LRRTM4: variants seen among roughly 807,000 people sequenced by gnomAD.
The protein encoded by LRRTM4 is leucine rich repeat transmembrane neuronal 4, also known as leucine-rich repeat transmembrane neuronal protein 4.
Under a neutral mutation model 47.6 loss-of-function variants are expected in LRRTM4, and 25 were observed. That is an observed-to-expected ratio of 0.53 (90% CI 0.38 to 0.73). The LOEUF is 0.73. LRRTM4 is among the 30% of genes least tolerant of loss of function. The pLI is 0.00. For synonymous variants in LRRTM4, 311 were observed against 269.5 expected, an observed-to-expected ratio of 1.15 and a Z score of -1.51; for missense variants, 638 against 713.4, an observed-to-expected ratio of 0.89 and a Z score of 1.20.
chr2:76,816,832 T>G (rs78506988), intron 3 of LRRTM4, among the ~76,000 whole-genome samples: 336 of 33,370 alleles, frequency 0.01, 9 homozygotes, highest in African/African-American at 0.05. Flanking sequence ...TTTTTTTTTT[T>G]TTTTTTTTTT....
intron 3 of LRRTM4, among the ~76,000 whole-genome samples, chr2:77,457,512 G>A (rs1350682297): frequency 6.6e-6 from 1 of 151,850 alleles, no homozygotes; most frequent in African/African-American, 2.4e-5. Flanking sequence ...CCATACAGCA[G>A]TCAGAATAAT....
In LRRTM4 at chr2:77,187,065, G is replaced by A. The variant is rs78366535; in HGVS notation, c.1551+331253C>T. Among the ~76,000 whole-genome samples, 775 of 152,218 alleles carry A rather than the reference G, an allele frequency of 5.1e-3. 6 individuals are homozygous for A. The highest frequency in any genetic ancestry group is 0.018 in the African/African-American group (740 of 41,544). On this transcript the variant is annotated intron_variant, in intron 3 of 3. Coordinates refer to ENST00000409884, the MANE Select transcript of LRRTM4 (RefSeq NM_001134745.3). Reference sequence around the variant, plus strand: ...CACACAAATCTCATTTACTGCACATGCACCCATCTATGGCTGCTACAATGC... The same window carrying A: ...CACACAAATCTCATTTACTGCACATACACCCATCTATGGCTGCTACAATGC...
intron 3 of LRRTM4, among the ~76,000 whole-genome samples, chr2:77,388,377 T>G (rs1673368844): frequency 6.6e-6 from 1 of 152,110 alleles, no homozygotes. Flanking sequence ...TTCAAAACTG[T>G]GACAGCAATA....
At chr2:77,167,027 G>C (rs1464877541) in intron 3 of LRRTM4, among the ~76,000 whole-genome samples, 1 of 152,042 alleles carries the variant, frequency 6.6e-6, no homozygotes. Flanking sequence ...GCAACCTACA[G>C]AATGGGAGAA....
intron 3 of LRRTM4, among the ~76,000 whole-genome samples, chr2:77,432,529 A>C (rs1049902562): frequency 1.3e-5 from 2 of 152,256 alleles, no homozygotes; most frequent in East Asian, 1.9e-4. Flanking sequence ...AATTTAGAGA[A>C]AATGTCTGCA....
intron 3 of LRRTM4, among the ~76,000 whole-genome samples, chr2:77,157,605 G>A (rs892479318): frequency 1.1e-4 from 17 of 151,632 alleles, no homozygotes; most frequent in South Asian, 8.3e-4. Context: ...ATATACTTGC[G>A]GTCAGAGAAA....
intron 3 of LRRTM4, among the ~76,000 whole-genome samples, chr2:77,266,661 A>G (rs1676058534): frequency 6.6e-6 from 1 of 152,112 alleles, no homozygotes; most frequent in Non-Finnish European, 1.5e-5. Flanking sequence ...AGCAGAAGTA[A>G]TAGTGAATAG....
intron 3 of LRRTM4, among the ~76,000 whole-genome samples, chr2:76,888,541 T>C (rs1257712593): frequency 6.6e-6 from 1 of 151,654 alleles, no homozygotes. Context: ...AAAATACACT[T>C]AAAGCTAAAA....
At chr2:77,062,315 T>C (rs1223359456) in intron 3 of LRRTM4, among the ~76,000 whole-genome samples, 3 of 152,198 alleles carry the variant, frequency 2.0e-5, no homozygotes, top group Non-Finnish European at 2.9e-5. Flanking sequence ...AAAAAGCATA[T>C]GTCAGGGAGA....
In LRRTM4 at chr2:76,752,222, C is replaced by T. The variant is rs559099854; in HGVS notation, c.1552-3306G>A. Among the ~76,000 whole-genome samples, 552 of 152,214 alleles carry T rather than the reference C, an allele frequency of 3.6e-3. 6 individuals are homozygous for T. Among genetic ancestry groups the T allele is most frequent in the African/African-American group, 0.012 (518 of 41,550 alleles). On this transcript the variant is annotated intron_variant, in intron 3 of 3. Coordinates refer to ENST00000409884, the MANE Select transcript of LRRTM4 (RefSeq NM_001134745.3). The stretch of plus-strand genomic sequence containing the variant: ...AATCTACAGATGAAAATAAGTAGCT[C>T]ATAAGTGAACATTGTTGAATTTGCA...
chr2:76,885,627 G>C (rs1001859897), intron 3 of LRRTM4, among the ~76,000 whole-genome samples: 2 of 151,784 alleles, frequency 1.3e-5, no homozygotes, highest in African/African-American at 4.8e-5. Context: ...CACCACGTCC[G>C]GCTAATTGTT....
intron 3 of LRRTM4, among the ~76,000 whole-genome samples, chr2:77,060,019 G>T (rs548099064): frequency 6.6e-6 from 1 of 152,304 alleles, no homozygotes; most frequent in South Asian, 2.1e-4. Context: ...GGAGTTAGCA[G>T]ACTATGGCTT....
intron 3 of LRRTM4, among the ~76,000 whole-genome samples, chr2:77,029,275 G>T (rs1349085922): frequency 6.6e-6 from 1 of 151,840 alleles, no homozygotes; most frequent in Non-Finnish European, 1.5e-5. Flanking sequence ...ACGATCACAA[G>T]ATGAAGTCCC....
chr2:77,116,257 T>C (rs1275447317), intron 3 of LRRTM4, among the ~76,000 whole-genome samples: 1 of 151,756 alleles, frequency 6.6e-6, no homozygotes, highest in African/African-American at 2.4e-5. Context: ...TAAATCATAG[T>C]ATTTGAGTTT....
chr2:76,988,003 T>C (rs1676863556), intron 3 of LRRTM4, among the ~76,000 whole-genome samples: 1 of 151,954 alleles, frequency 6.6e-6, no homozygotes, highest in African/African-American at 2.4e-5. Context: ...AAAACTTTAC[T>C]AGTATTATGT....
chr2:77,063,129 A>ATTTTT (rs141643486), intron 3 of LRRTM4, among the ~76,000 whole-genome samples: 1 of 147,868 alleles, frequency 6.8e-6, no homozygotes, highest in African/African-American at 2.5e-5. Flanking sequence ...TAATCTTTGT[A>ATTTTT]TTTTTTTTTT....
chr2:77,373,924 A>G (rs1672738235), intron 3 of LRRTM4, among the ~76,000 whole-genome samples: 1 of 151,776 alleles, frequency 6.6e-6, no homozygotes, highest in East Asian at 1.9e-4. Context: ...GTGCCAGAAA[A>G]TCATATAGTG....
intron 3 of LRRTM4, among the ~76,000 whole-genome samples, chr2:77,479,382 T>C (rs1411635084): frequency 6.6e-6 from 1 of 152,168 alleles, no homozygotes; most frequent in Non-Finnish European, 1.5e-5. Context: ...AATGAATATT[T>C]TTCTGTTAAC....
intron 3 of LRRTM4, among the ~76,000 whole-genome samples, chr2:76,913,321 A>G (rs966766712): frequency 6.6e-6 from 1 of 151,650 alleles, no homozygotes; most frequent in Non-Finnish European, 1.5e-5. Flanking sequence ...TTTTTTTTCT[A>G]AAGTGAGTGA....
Sources: gnomAD v4.1 joint callset for allele counts (sites outside exome capture counted in the v4.1 genomes callset) on GRCh38, gnomAD v4.1.1 for gene constraint, MANE v1.5 for transcripts, NCBI Gene and HGNC (gene_info 2026-07-23, HGNC 2026-07-21) for gene names.